Variants in SKAP1 observed in about 807,000 individuals in gnomAD.
SKAP1 encodes src kinase-associated phosphoprotein 1.
Under a neutral mutation model 58.5 loss-of-function variants are expected in SKAP1, and 44 were observed. That is an observed-to-expected ratio of 0.75 (90% CI 0.59 to 0.97). The LOEUF (loss-of-function observed/expected upper bound fraction) is 0.97, where lower values mean the gene tolerates loss of function less well. Among genes scored for constraint, SKAP1 ranks in the 50% least tolerant of loss-of-function variants. SKAP1 has a pLI of 0.00. For synonymous variants in SKAP1, 127 were observed against 149.7 expected (o/e 0.85, Z 1.11); for missense variants, 390 against 435.2 (o/e 0.90, Z 0.92).
chr17:48,220,031 A>C (rs1208974847), intron 4 of SKAP1, among the ~76,000 whole-genome samples: 1 of 152,280 alleles, frequency 6.6e-6, no homozygotes, highest in Non-Finnish European at 1.5e-5. Flanking sequence ...GCTAAAATTA[A>C]GAAACACTGA....
At chr17:48,383,869 A>C (rs1280966254) in intron 2 of SKAP1, among the ~76,000 whole-genome samples, 1 of 151,854 alleles carries the variant, frequency 6.6e-6, no homozygotes, top group Non-Finnish European at 1.5e-5. Flanking sequence ...GGCGCCCGCC[A>C]TCATCATGCC....
intron 1 of SKAP1, among the ~76,000 whole-genome samples, chr17:48,397,871 G>C (rs923878560): frequency 7.9e-6 from 1 of 125,978 alleles, no homozygotes; most frequent in African/African-American, 3.5e-5. Context: ...AATTGCAGAG[G>C]GGGGGTGGTT....
At chr17:48,430,027 T>TTTCGGCC (rs1387558912) in intron 1 of SKAP1, 48 bp downstream of exon 1, 20 of 1,255,560 alleles carry the variant, frequency 1.6e-5, no homozygotes, top group Non-Finnish European at 2.0e-5. Flanking sequence ...TGGTGTCCCC[T>TTTCGGCC]TTCGGCCTTC....
chr17:48,420,110 A>G (rs1484758896), intron 1 of SKAP1, among the ~76,000 whole-genome samples: 1 of 152,238 alleles, frequency 6.6e-6, no homozygotes, highest in Non-Finnish European at 1.5e-5. Context: ...TCGGAAACAC[A>G]GGGGAAACAA....
intron 9 of SKAP1, among the ~76,000 whole-genome samples, chr17:48,171,104 T>G (rs1185995142): frequency 1.4e-5 from 2 of 145,954 alleles, no homozygotes; most frequent in Admixed American, 6.8e-5. Context: ...TTTTTTTTTT[T>G]TTTTTTTTTT....
chr17:48,253,013 G>C (rs2065383596), intron 4 of SKAP1, among the ~76,000 whole-genome samples: 1 of 152,140 alleles, frequency 6.6e-6, no homozygotes, highest in Non-Finnish European at 1.5e-5. Flanking sequence ...CAGATTGAGT[G>C]ACATCATTCT....
the SKAP1 span, among the ~76,000 whole-genome samples, chr17:48,444,984 G>T: frequency 6.6e-6 from 1 of 152,146 alleles, no homozygotes; most frequent in African/African-American, 2.4e-5. Flanking sequence ...TACCAAACGA[G>T]GGTGTTTCTG....
At chr17:48,168,969 G>A (rs2064175870) in intron 10 of SKAP1, among the ~76,000 whole-genome samples, 1 of 152,120 alleles carries the variant, frequency 6.6e-6, no homozygotes, top group African/African-American at 2.4e-5. Flanking sequence ...TGCAGAGAGA[G>A]CAAAAAGTCC....
At chr17:48,439,455 A>G in the SKAP1 span, among the ~76,000 whole-genome samples, 2 of 152,214 alleles carry the variant, frequency 1.3e-5, no homozygotes, top group African/African-American at 2.4e-5. Flanking sequence ...ACTTCATTCA[A>G]TGGTGTGGAA....
intron 11 of SKAP1, among the ~76,000 whole-genome samples, chr17:48,155,861 CAG>C (rs1464104468): frequency 1.3e-5 from 2 of 152,110 alleles, no homozygotes; most frequent in African/African-American, 4.8e-5. Flanking sequence ...TCAAGAAAAA[CAG>C]AAACAAAAAC....
Position 48,345,921 on chromosome 17 carries a change from T to C in SKAP1, c.264A>G (p.Ser88=). 6.2e-7 allele frequency: 1 copy of C among 1,612,602 alleles called. No individual in the cohort carries two copies. The highest frequency in any genetic ancestry group is 8.5e-7 in the Non-Finnish European group (1 of 1,178,880). ...LSLTSDAPFL[S]DYQDEGMEDI... ...AACACTCACCCTCATCCTGATAATC[T>C]GACAAAAAGGGTGCATCGGATGTGA... The change falls in exon 4 of 13, where the codon TCA becomes TCG. Residue 88 remains serine, a synonymous_variant. Coordinates refer to ENST00000336915, the MANE Select transcript of SKAP1 (RefSeq NM_003726.4).
At chr17:48,367,578 A>ATGG (rs2067025197) in intron 2 of SKAP1, among the ~76,000 whole-genome samples, 1 of 104,422 alleles carries the variant, frequency 9.6e-6, no homozygotes. Flanking sequence ...ATATATATAT[A>ATGG]ATCATACTGT....
At chr17:48,188,769 C>T (rs956062077) in intron 5 of SKAP1, among the ~76,000 whole-genome samples, 1 of 151,854 alleles carries the variant, frequency 6.6e-6, no homozygotes, top group Admixed American at 6.6e-5. Context: ...GAGGCTGAGG[C>T]GGGCAGATCA....
Position 48,430,146 on chromosome 17 carries a change from CG to C in SKAP1, c.-27del. 1 of 1,207,348 alleles carries C rather than the reference CG, an allele frequency of 8.3e-7. No individual in the cohort carries two copies. The highest frequency in any genetic ancestry group is 1.0e-6 in the Non-Finnish European group (1 of 962,480). The allele number at this position is 1,207,348 out of a possible 1,614,324, so 74.8% of individuals were successfully genotyped here. On this transcript the variant is annotated 5_prime_UTR_variant, in exon 1 of 13. Coordinates refer to ENST00000336915, the MANE Select transcript of SKAP1 (RefSeq NM_003726.4). ...TTGGCTGGGCGGGAGAGAGGCGGGA[CG>C]GGGCGCGGGCCCTGGTCGGGAGGCG...
chr17:48,347,972 C>T (rs2066744740), intron 3 of SKAP1, among the ~76,000 whole-genome samples: 1 of 152,164 alleles, frequency 6.6e-6, no homozygotes, highest in African/African-American at 2.4e-5. Context: ...ATATACTGAA[C>T]ATTATGTATA....
chr17:48,330,490 C>T (rs1257276455), intron 4 of SKAP1, among the ~76,000 whole-genome samples: 1 of 152,148 alleles, frequency 6.6e-6, no homozygotes, highest in Non-Finnish European at 1.5e-5. Flanking sequence ...ATCCAAGTCA[C>T]AACTCTAAAA....
At chr17:48,162,691 G>A (rs1236302904) in intron 10 of SKAP1, 122 bp from the exon 11 acceptor site, 1 of 640,618 alleles carries the variant, frequency 1.6e-6, no homozygotes, top group East Asian at 2.8e-5. Context: ...AGATTAAGGG[G>A]AGTTGAGATG....
At chr17:48,172,401 G>A (rs926231149) in intron 9 of SKAP1, among the ~76,000 whole-genome samples, 4 of 152,140 alleles carry the variant, frequency 2.6e-5, no homozygotes, top group Middle Eastern at 3.4e-3. Context: ...GTTTCATCTC[G>A]TCACATTACC....
In SKAP1 at chr17:48,415,163, C is replaced by A. The variant is rs1408063553; in HGVS notation, c.46+14912G>T. Among the ~76,000 whole-genome samples the A allele has an allele frequency of 2.0e-5, 3 of 152,046 alleles. No individual in the cohort carries two copies. The East Asian group carries it at 5.8e-4, about 29-fold the overall frequency. On this transcript the variant is annotated intron_variant, in intron 1 of 12. Coordinates refer to ENST00000336915, the MANE Select transcript of SKAP1 (RefSeq NM_003726.4). ...TGAAAACAACTCCACCGACCAAATA[C>A]CAATCAAAGTGTTCCTAGAGGGGAA...
Sources: allele counts gnomAD v4.1 joint callset (sites outside exome capture counted in the v4.1 genomes callset), GRCh38; gene constraint gnomAD v4.1.1; transcripts MANE v1.5; gene names NCBI Gene and HGNC (gene_info 2026-07-23, HGNC 2026-07-21).